Variants in SRBD1 observed in about 807,000 individuals in gnomAD.
SRBD1 encodes S1 RNA-binding domain-containing protein 1.
A neutral mutation model predicts 115.3 loss-of-function variants in SRBD1; 88 were observed. That is an observed-to-expected ratio of 0.76 (90% CI 0.64 to 0.91). The LOEUF (loss-of-function observed/expected upper bound fraction) is 0.91. SRBD1 is among the 40% of genes least tolerant of loss of function. The pLI, the probability that SRBD1 is intolerant of heterozygous loss-of-function variation, is 0.00. For synonymous variants in SRBD1, 509 were observed against 407.7 expected (o/e 1.25, Z -2.99); for missense variants, 1,385 against 1,177.4 (o/e 1.18, Z -2.58).
intron 14 of SRBD1, among the ~76,000 whole-genome samples, chr2:45,497,803 G>A (rs1670505866): frequency 6.6e-6 from 1 of 152,028 alleles, no homozygotes; most frequent in African/African-American, 2.4e-5. Flanking sequence ...TTGGGAGGCT[G>A]AGGTGGGCAG....
intron 14 of SRBD1, among the ~76,000 whole-genome samples, chr2:45,542,157 G>A (rs1224201168): frequency 3.3e-5 from 5 of 152,242 alleles, no homozygotes; most frequent in Non-Finnish European, 7.3e-5. Flanking sequence ...TCACTCCTGT[G>A]TTGGTTGGTG....
chr2:45,562,422 C>A (rs948080534), intron 10 of SRBD1, among the ~76,000 whole-genome samples: 1 of 152,104 alleles, frequency 6.6e-6, no homozygotes, highest in Non-Finnish European at 1.5e-5. Context: ...TCAGTAGAGA[C>A]AGGGTTTCAC....
At chr2:45,576,736 T>C (rs1037529963) in intron 7 of SRBD1, among the ~76,000 whole-genome samples, 5 of 152,188 alleles carry the variant, frequency 3.3e-5, no homozygotes, top group Non-Finnish European at 7.3e-5. Context: ...GAGTTCCAAG[T>C]ATCCCAGAGC....
At chr2:45,492,050 A>G (rs1409610348) in intron 14 of SRBD1, among the ~76,000 whole-genome samples, 2 of 151,922 alleles carry the variant, frequency 1.3e-5, no homozygotes, top group African/African-American at 2.4e-5. Flanking sequence ...AGAACTCCCA[A>G]CCTCGGGTGA....
intron 14 of SRBD1, among the ~76,000 whole-genome samples, chr2:45,527,313 C>T (rs1038294661): frequency 4.6e-5 from 7 of 151,476 alleles, no homozygotes; most frequent in Non-Finnish European, 7.4e-5. Context: ...AATGAATTTC[C>T]GAAAAAAGTT....
intron 18 of SRBD1, 75 bp downstream of exon 18, chr2:45,418,290 T>A (rs1667890458): frequency 6.6e-7 from 1 of 1,520,782 alleles, no homozygotes; most frequent in Admixed American, 2.0e-5. Context: ...AATTTTACAC[T>A]AATCAGTGGT....
intron 16 of SRBD1, among the ~76,000 whole-genome samples, chr2:45,430,744 C>A (rs1013951281): frequency 1.3e-5 from 2 of 152,156 alleles, no homozygotes; most frequent in Non-Finnish European, 2.9e-5. Context: ...GCAAAGACTT[C>A]ATGACTAAAA....
At chr2:45,604,574 T>C (rs879713347) in intron 2 of SRBD1, among the ~76,000 whole-genome samples, 15 of 152,316 alleles carry the variant, frequency 9.8e-5, no homozygotes, top group South Asian at 2.1e-4. Flanking sequence ...ACTGGTCTTC[T>C]TGCTGTTCCC....
chr2:45,508,429 A>G (rs779274632), intron 14 of SRBD1, among the ~76,000 whole-genome samples: 10 of 152,218 alleles, frequency 6.6e-5, no homozygotes, highest in Non-Finnish European at 1.3e-4. Flanking sequence ...TATTTTAAGC[A>G]TAAAGCCTCC....
In SRBD1 at chr2:45,521,655, T is replaced by C. The variant is rs190474172; in HGVS notation, c.1874+25077A>G. On this transcript the variant is annotated intron_variant, in intron 14 of 20. Coordinates refer to ENST00000263736, the MANE Select transcript of SRBD1 (RefSeq NM_018079.5). ...GTATATTTACACTCCTACATATATA[T>C]TACCAGCAATTACACTCCTAGGTAT... Among the ~76,000 whole-genome samples, 7 of 152,188 alleles carry C rather than the reference T, an allele frequency of 4.6e-5. No homozygotes were observed. The East Asian group carries it at 1.4e-3, about 29-fold the overall frequency.
intron 7 of SRBD1, among the ~76,000 whole-genome samples, chr2:45,574,956 T>C (rs1007310760): frequency 2.0e-5 from 3 of 152,120 alleles, no homozygotes; most frequent in African/African-American, 4.8e-5. Context: ...TAAAAATGCA[T>C]CTCTGGAGCC....
rs1308190193 is a variant in SRBD1 at position 45,443,406 on chromosome 2, A to G, written c.2050-23512T>C. The stretch of plus-strand genomic sequence containing the variant: ...TTGGGCAGATGATGATGCCATTAAT[A>G]GAAACAGGGAAGGATAAGACAGTAC... On this transcript the variant is annotated intron_variant, in intron 16 of 20. Coordinates refer to ENST00000263736, the MANE Select transcript of SRBD1 (RefSeq NM_018079.5). Among the ~76,000 whole-genome samples, 4 of 152,346 alleles carry G rather than the reference A, an allele frequency of 2.6e-5. No homozygotes were observed. The East Asian group carries it at 7.7e-4, about 29-fold the overall frequency.
intron 14 of SRBD1, among the ~76,000 whole-genome samples, chr2:45,543,171 T>C (rs891822074): frequency 2.0e-5 from 3 of 152,250 alleles, no homozygotes; most frequent in South Asian, 2.1e-4. Flanking sequence ...CAATTCAGTA[T>C]GTGATAACTG....
chr2:45,501,004 A>G (rs1478470967), intron 14 of SRBD1, among the ~76,000 whole-genome samples: 2 of 152,110 alleles, frequency 1.3e-5, no homozygotes, highest in Non-Finnish European at 2.9e-5. Flanking sequence ...CATTCAGTGT[A>G]TTAGCTATGG....
At chr2:45,539,425 C>G (rs1671863905) in intron 14 of SRBD1, among the ~76,000 whole-genome samples, 1 of 152,036 alleles carries the variant, frequency 6.6e-6, no homozygotes. Context: ...AAAAGATCCC[C>G]CACCTACTCT....
chr2:45,536,175 G>C (rs1671757686), intron 14 of SRBD1, among the ~76,000 whole-genome samples: 1 of 151,832 alleles, frequency 6.6e-6, no homozygotes, highest in Non-Finnish European at 1.5e-5. Context: ...AAACATATAA[G>C]AGCTAAATCA....
intron 19 of SRBD1, among the ~76,000 whole-genome samples, chr2:45,411,514 G>GA (rs1156504114): frequency 2.0e-5 from 3 of 152,056 alleles, no homozygotes; most frequent in Non-Finnish European, 4.4e-5. Context: ...ACCTTTGGTA[G>GA]AAAAAAATCA....
At chr2:45,589,507 G>A (rs1673647729) in intron 4 of SRBD1, among the ~76,000 whole-genome samples, 1 of 152,182 alleles carries the variant, frequency 6.6e-6, no homozygotes, top group South Asian at 2.1e-4. Flanking sequence ...CATCATTTTG[G>A]AACTGTGTGA....
chr2:45,562,834 T>C, intron 9 of SRBD1, 78 bp from the exon 10 acceptor site: 1 of 859,968 alleles, frequency 1.2e-6, no homozygotes, highest in Non-Finnish European at 1.8e-6. Flanking sequence ...AGCTGACAGC[T>C]ATATGAATTT....
Sources: gnomAD v4.1 joint callset for allele counts (sites outside exome capture counted in the v4.1 genomes callset) on GRCh38, gnomAD v4.1.1 for gene constraint, MANE v1.5 for transcripts, NCBI Gene and HGNC (gene_info 2026-07-23, HGNC 2026-07-21) for gene names.